Variants in FOXJ2 observed in about 807,000 individuals in gnomAD.
FOXJ2 encodes the protein forkhead box J2.
Under a neutral mutation model 68.4 loss-of-function variants are expected in FOXJ2, and 18 were observed. That is an observed-to-expected ratio of 0.26 (90% CI 0.18 to 0.39). The LOEUF is 0.39. FOXJ2 is among the 10% of genes least tolerant of loss of function. FOXJ2 has a pLI of 1.00. For synonymous variants in FOXJ2, 274 were observed against 263.2 expected (o/e 1.04, Z -0.40); for missense variants, 670 against 726.5 (o/e 0.92, Z 0.89).
At chr12:8,052,210 G>A (rs1947134641) in intron 10 of FOXJ2, among the ~76,000 whole-genome samples, 1 of 150,254 alleles carries the variant, frequency 6.7e-6, no homozygotes, top group Admixed American at 6.6e-5. Flanking sequence ...ATTATCATAT[G>A]TTTTCAGAAG....
intron 1 of FOXJ2, among the ~76,000 whole-genome samples, chr12:8,037,095 G>GACAAA (rs776803129): frequency 1.5e-4 from 23 of 152,008 alleles, no homozygotes; most frequent in African/African-American, 4.3e-4. Context: ...TCTCCAAAAA[G>GACAAA]ACAAAACAAA....
Position 8,044,907 on chromosome 12 carries a change from C to G in FOXJ2, c.766C>G (p.Arg256Gly), listed in dbSNP as rs1239198981. Reference sequence around the variant, plus strand: ...CTTTCAGGATCTAAGCTGGTCCTTCCGCAACCTCTATAAGTCCATGCTGGA... The same window carrying G: ...CTTTCAGGATCTAAGCTGGTCCTTCGGCAACCTCTATAAGTCCATGCTGGA... The part of the protein sequence containing the change: ...INFQDLSWSF[R>G]NLYKSMLEKS... Residue 256 changes from arginine (R) to glycine (G), a missense_variant, in exon 6 of 11, where the codon CGC (arginine) becomes GGC (glycine). Arg to Gly is a moderately radical substitution (Grantham distance 125). Transcript: ENST00000162391. The G allele has an allele frequency of 6.2e-7, 1 of 1,614,074 alleles. No homozygotes were observed. The highest frequency in any genetic ancestry group is 8.5e-7 in the Non-Finnish European group (1 of 1,180,022).
In FOXJ2 at chr12:8,043,946, C is replaced by T; in HGVS notation, c.478-5C>T. 1 of 1,552,364 alleles carries T rather than the reference C, an allele frequency of 6.4e-7. No individual in the cohort carries two copies. Among genetic ancestry groups the T allele is most frequent in the Non-Finnish European group, 8.7e-7 (1 of 1,153,152 alleles). The stretch of plus-strand genomic sequence containing the variant: ...TATAGATTTCTTTTTTTTCACAACC[C>T]TCAGCTGTCCCAAGACTCACCAGAA... On this transcript the variant is annotated splice_region_variant and splice_polypyrimidine_tract_variant and intron_variant, in intron 4 of 10. Transcript: ENST00000162391.
chr12:8,048,660 C>T (rs748123606), intron 7 of FOXJ2, 37 bp from the exon 8 acceptor site: 16 of 1,569,052 alleles, frequency 1.0e-5, no homozygotes, highest in Non-Finnish European at 1.4e-5. Flanking sequence ...TTACACTTCA[C>T]TCTATCTTAT....
chr12:8,048,347 A>C lies in FOXJ2; in HGVS notation c.1225+58A>C, dbSNP rs1947069072. ...AGGGTGGGGTGATGTCCTTGTCCTA[A>C]CACCGGCATGGAGGTGCAGTTAGTT... On this transcript the variant is annotated intron_variant, in intron 7 of 10. Transcript: ENST00000162391. The C allele has an allele frequency of 2.0e-6, 3 of 1,504,142 alleles. No individual in the cohort carries two copies. The African/African-American group carries it at 4.2e-5, about 21-fold the overall frequency. The allele number at this position is 1,504,142 out of a possible 1,614,324, so 93.2% of individuals were successfully genotyped here.
chr12:8,043,074 A>G (rs916921527), intron 3 of FOXJ2, among the ~76,000 whole-genome samples: 4 of 152,028 alleles, frequency 2.6e-5, no homozygotes, highest in Non-Finnish European at 5.9e-5. Context: ...AAAATTAGCC[A>G]GGCGTGGTGG....
In FOXJ2 at chr12:8,050,803, C is replaced by T. The variant is rs764629653; in HGVS notation, c.1636+183C>T. On this transcript the variant is annotated intron_variant, in intron 10 of 10. Transcript: ENST00000162391. ...AGAAGGTGTGTGTCGGGGAGACTAACGAAGACAGTGTCCCCTCCCCTCCCT... is the reference window on the plus strand; with the variant it reads ...AGAAGGTGTGTGTCGGGGAGACTAATGAAGACAGTGTCCCCTCCCCTCCCT... Among the ~76,000 whole-genome samples, 7 of 151,660 alleles carry T rather than the reference C, an allele frequency of 4.6e-5. No homozygotes were observed. In the South Asian group the frequency reaches 8.3e-4, roughly 18 times the overall value.
rs977349325 is a variant in FOXJ2 at position 8,048,753 on chromosome 12, G to A, written c.1282G>A (p.Val428Met). Reference protein sequence around the residue: ...IDSLKESFKMVNRLNWSSIEQ... With the variant: ...IDSLKESFKMMNRLNWSSIEQ... Reference sequence around the variant, plus strand: ...CTCTTTAAAGGAAAGCTTCAAGATGGTGAATCGGCTCAATTGGTCCAGCAT... The same window carrying A: ...CTCTTTAAAGGAAAGCTTCAAGATGATGAATCGGCTCAATTGGTCCAGCAT... Residue 428 changes from valine (V) to methionine (M), a missense_variant, in exon 8 of 11, where the codon GTG becomes ATG. By Grantham distance (21) the Val-to-Met change is conservative (BLOSUM62 1). This residue lies in a region of FOXJ2 where 555 missense variants were observed against 562.2 expected (regional missense o/e 0.99). Coordinates refer to ENST00000162391, the MANE Select transcript of FOXJ2 (RefSeq NM_018416.3). 6 of 1,613,970 alleles carry A rather than the reference G, an allele frequency of 3.7e-6. No homozygotes were observed. Among genetic ancestry groups the A allele is most frequent in the Non-Finnish European group, 5.1e-6 (6 of 1,180,018 alleles).
intron 1 of FOXJ2, among the ~76,000 whole-genome samples, chr12:8,039,148 A>G (rs1368428932): frequency 6.6e-6 from 1 of 151,920 alleles, no homozygotes; most frequent in Non-Finnish European, 1.5e-5. Flanking sequence ...TGTATGCTGT[A>G]TATGTAATCG....
At position 8,039,863 on chromosome 12, in the gene FOXJ2, T is replaced by G. The variant is rs762193187; in HGVS notation, c.31T>G (p.Ser11Ala). 3 of 1,614,052 alleles carry G rather than the reference T, an allele frequency of 1.9e-6. No homozygotes were observed. The highest frequency in any genetic ancestry group is 1.7e-4 in the Middle Eastern group (1 of 6,058). Residue 11 changes from serine (S) to alanine (A), a missense_variant, in exon 2 of 11, where the codon TCC (serine) becomes GCC (alanine). Transcript: ENST00000162391. Reference sequence around the variant, plus strand: ...TTCTGACCTAGAGAGTAGCCTCACCTCCATAGACTGGCTCCCCCAGCTGAC... The same window carrying G: ...TTCTGACCTAGAGAGTAGCCTCACCGCCATAGACTGGCTCCCCCAGCTGAC... MASDLESSLT[S>A]IDWLPQLTLR...
rs1028509896 is a variant in FOXJ2, at chr12:8,054,292, A to G, written c.*1442A>G. 3 of 152,204 alleles carry G rather than the reference A, an allele frequency of 2.0e-5. No individual in the cohort carries two copies. The highest frequency in any genetic ancestry group is 4.4e-5 in the Non-Finnish European group (3 of 68,036). The allele number at this position is 152,204 out of a possible 1,614,324, so 9.4% of individuals were successfully genotyped here. A position where few individuals can be genotyped will look rare whatever the true frequency, so the allele number is the denominator to read the frequency against. ...CTTACTGTTGCAAAGTACTCAGTGT[A>G]TATTTAATGTTGATTGTTGAATTTT... On this transcript the variant is annotated 3_prime_UTR_variant, in exon 11 of 11. Transcript: ENST00000162391.
intron 1 of FOXJ2, among the ~76,000 whole-genome samples, chr12:8,037,921 G>A (rs1184485694): frequency 1.3e-5 from 2 of 152,218 alleles, no homozygotes; most frequent in East Asian, 1.9e-4. Context: ...TAGTTTCCAA[G>A]TTTCCATGGT....
intron 5 of FOXJ2, 119 bp from the exon 6 acceptor site, chr12:8,044,641 G>A: frequency 2.1e-6 from 2 of 944,026 alleles, no homozygotes; most frequent in South Asian, 3.1e-5. Flanking sequence ...ATGATGCTGG[G>A]TCATTGAAGA....
chr12:8,044,617 G>A, intron 5 of FOXJ2, 143 bp from the exon 6 acceptor site: 1 of 750,714 alleles, frequency 1.3e-6, no homozygotes, highest in Non-Finnish European at 2.2e-6. Flanking sequence ...AACTAATGAG[G>A]AAAGAAGGAG....
intron 6 of FOXJ2, among the ~76,000 whole-genome samples, chr12:8,045,452 G>T (rs769954684): frequency 6.6e-6 from 1 of 152,268 alleles, no homozygotes; most frequent in Non-Finnish European, 1.5e-5. Context: ...CTGACCTCAG[G>T]TGATCTGCCT....
chr12:8,047,768 A>T (rs1947057391), intron 6 of FOXJ2, 114 bp from the exon 7 acceptor site: 7 of 1,349,280 alleles, frequency 5.2e-6, no homozygotes, highest in African/African-American at 1.5e-5. Context: ...GAATGTTCTT[A>T]CCCTTTTAAC....
chr12:8,049,678 C>A, intron 9 of FOXJ2, 107 bp downstream of exon 9: 4 of 1,004,508 alleles, frequency 4.0e-6, no homozygotes, highest in Non-Finnish European at 4.3e-6. Flanking sequence ...GGCAGTGACC[C>A]AAATTGAGCA....
At chr12:8,042,631 G>A in intron 2 of FOXJ2, 27 bp from the exon 3 acceptor site, 1 of 1,603,262 alleles carries the variant, frequency 6.2e-7, no homozygotes, top group South Asian at 1.1e-5. Context: ...TAATGCTCAG[G>A]CCTAACTTGC....
intron 6 of FOXJ2, among the ~76,000 whole-genome samples, chr12:8,047,529 T>TC (rs1239175254): frequency 6.6e-6 from 1 of 151,922 alleles, no homozygotes; most frequent in Non-Finnish European, 1.5e-5. Context: ...TTTTTTTTTT[T>TC]CCCTAAACAC....
Sources: gnomAD v4.1 joint callset for allele counts (sites outside exome capture counted in the v4.1 genomes callset) on GRCh38, gnomAD v4.1.1 for gene constraint, gnomAD v4.1.1 regional missense constraint, MANE v1.5 for transcripts, NCBI Gene and HGNC (gene_info 2026-07-23, HGNC 2026-07-21) for gene names.